The following CIRSR variants were observed in gnomAD, a reference collection of about 807,000 sequenced individuals.
CIRSR encodes CBF1 (RBPJ) interacting corepressor 1.
At chr2:174,374,200 G>T in the CIRSR span, among the ~76,000 whole-genome samples, 1 of 152,322 alleles carries the variant, frequency 6.6e-6, no homozygotes, top group Admixed American at 6.5e-5. Flanking sequence ...TAAATCTTCT[G>T]TGCTTATGTT....
the CIRSR span, chr2:174,381,584 T>A: frequency 3.1e-6 from 2 of 644,826 alleles, no homozygotes; most frequent in Non-Finnish European, 2.6e-6. Context: ...ACTCAGGAGG[T>A]GGATGGAGGT....
the CIRSR span, chr2:174,349,035 T>A: frequency 6.3e-7 from 1 of 1,597,414 alleles, no homozygotes; most frequent in Middle Eastern, 1.7e-4. Flanking sequence ...TTCTGAAGTC[T>A]CAGTAGAGGA....
At chr2:174,382,298 C>A in the CIRSR span, among the ~76,000 whole-genome samples, 1 of 152,026 alleles carries the variant, frequency 6.6e-6, no homozygotes, top group Admixed American at 6.6e-5. Flanking sequence ...GTAAGAGTCA[C>A]AGTAAATGAG....
At chr2:174,387,692 C>A in the CIRSR span, 1 of 1,581,434 alleles carries the variant, frequency 6.3e-7, no homozygotes, top group South Asian at 1.2e-5. Context: ...TACCTATTAT[C>A]ATATGATTCT....
the CIRSR span, among the ~76,000 whole-genome samples, chr2:174,379,716 C>CTTTTTTTTT: frequency 9.6e-5 from 8 of 83,756 alleles, no homozygotes; most frequent in East Asian, 5.0e-4. Context: ...TGATTCCTGT[C>CTTTTTTTTT]TTTTTTTTTT....
the CIRSR span, among the ~76,000 whole-genome samples, chr2:174,384,918 T>C: frequency 6.6e-6 from 1 of 152,252 alleles, no homozygotes; most frequent in East Asian, 1.9e-4. Context: ...GAATAATAAA[T>C]GTGATTTTCA....
At chr2:174,385,158 T>C in the CIRSR span, among the ~76,000 whole-genome samples, 1 of 142,762 alleles carries the variant, frequency 7.0e-6, no homozygotes, top group Non-Finnish European at 1.5e-5. Flanking sequence ...GAGGCTGCAG[T>C]GAGACATAAT....
the CIRSR span, chr2:174,381,675 GAAAA>G: frequency 1.3e-6 from 2 of 1,521,656 alleles, no homozygotes; most frequent in Non-Finnish European, 1.8e-6. Context: ...AAAAAAGAAA[GAAAA>G]AAAGAAACGG....
the CIRSR span, among the ~76,000 whole-genome samples, chr2:174,366,551 GC>G: frequency 1.3e-5 from 2 of 152,132 alleles, no homozygotes; most frequent in Non-Finnish European, 2.9e-5. Flanking sequence ...ATTAAAAGAA[GC>G]TCCTTAGTGA....
the CIRSR span, among the ~76,000 whole-genome samples, chr2:174,385,347 GAAGA>G: frequency 1.3e-5 from 2 of 151,484 alleles, no homozygotes; most frequent in Admixed American, 1.3e-4. Context: ...ATAGATTACT[GAAGA>G]ATGAAATTGG....
the CIRSR span, among the ~76,000 whole-genome samples, chr2:174,367,277 G>C: frequency 6.6e-6 from 1 of 152,056 alleles, no homozygotes; most frequent in Non-Finnish European, 1.5e-5. Flanking sequence ...TCTCCAAAAA[G>C]TTTTTAAAAA....
At chr2:174,380,794 A>T in the CIRSR span, 2 of 1,601,644 alleles carry the variant, frequency 1.2e-6, no homozygotes, top group Admixed American at 1.7e-5. Flanking sequence ...CATAGAAAAT[A>T]GTACTTTACC....
At chr2:174,373,828 CTG>C in the CIRSR span, among the ~76,000 whole-genome samples, 10 of 147,748 alleles carry the variant, frequency 6.8e-5, no homozygotes, top group African/African-American at 1.5e-4. Flanking sequence ...TACTATCCCC[CTG>C]TGTGTGTGTG....
chr2:174,369,958 G>A, the CIRSR span: 1 of 1,362,740 alleles, frequency 7.3e-7, no homozygotes, highest in East Asian at 4.6e-5. Context: ...GAAAACTGGT[G>A]CTGATAGATT....
chr2:174,382,548 A>T, the CIRSR span, among the ~76,000 whole-genome samples: 1 of 152,140 alleles, frequency 6.6e-6, no homozygotes, highest in East Asian at 1.9e-4. Flanking sequence ...CTGAGGCAGG[A>T]GAATCACTTG....
At chr2:174,381,805 T>A in the CIRSR span, 2 of 1,496,816 alleles carry the variant, frequency 1.3e-6, no homozygotes, top group Middle Eastern at 1.8e-4. Context: ...AAGTTAACGA[T>A]TTTATGTAGG....
chr2:174,392,561 C>T, the CIRSR span, among the ~76,000 whole-genome samples: 1 of 151,904 alleles, frequency 6.6e-6, no homozygotes, highest in Non-Finnish European at 1.5e-5. Context: ...TGATGAGGGT[C>T]TGAATTAAGA....
chr2:174,349,088 T>A, the CIRSR span: 3 of 1,545,466 alleles, frequency 1.9e-6, no homozygotes, highest in African/African-American at 2.8e-5. Flanking sequence ...AGGACTTATG[T>A]TTTTTGTGTT....
At chr2:174,357,302 G>T in the CIRSR span, among the ~76,000 whole-genome samples, 45 of 152,128 alleles carry the variant, frequency 3.0e-4, no homozygotes, top group Admixed American at 1.3e-3. Context: ...AAATTATTTT[G>T]ATATTTTATA....
Sources: gnomAD v4.1 joint callset for allele counts (sites outside exome capture counted in the v4.1 genomes callset) on GRCh38, gnomAD v4.1.1 for gene constraint, MANE v1.5 for transcripts, NCBI Gene and HGNC (gene_info 2026-07-23, HGNC 2026-07-21) for gene names.